Variants in NUP210 observed in about 807,000 individuals in gnomAD.
The protein encoded by NUP210 is nuclear pore membrane glycoprotein 210.
NUP210 carries 151 observed loss-of-function variants against 196.0 expected under a neutral mutation model. That is an observed-to-expected ratio of 0.77 (90% CI 0.67 to 0.88). The LOEUF is 0.88. Among genes scored for constraint, NUP210 ranks in the 40% least tolerant of loss-of-function variants. The pLI, the probability that NUP210 is intolerant of heterozygous loss-of-function variation, is 0.00. For missense variants in NUP210, 2,314 were observed against 2,493.7 expected (o/e 0.93, Z 1.53); for synonymous variants, 1,070 against 1,052.7 (o/e 1.02, Z -0.32).
intron 25 of NUP210, 102 bp downstream of exon 25, chr3:13,339,752 G>C: frequency 9.2e-7 from 1 of 1,089,808 alleles, no homozygotes; most frequent in Non-Finnish European, 1.4e-6. Context: ...GGCAGAAGCA[G>C]CACCCTTGGA....
intron 8 of NUP210, among the ~76,000 whole-genome samples, chr3:13,377,873 A>G (rs1698971573): frequency 1.5e-5 from 2 of 133,676 alleles, no homozygotes; most frequent in South Asian, 4.9e-4. Flanking sequence ...TGCAGGCCCC[A>G]CACCACTTAC....
At position 13,386,257 on chromosome 3, in the gene NUP210, G is replaced by A; in HGVS notation, c.817+18C>T. The stretch of plus-strand genomic sequence containing the variant: ...GAGGAAGGAAGCATCTGTCATGATG[G>A]CAGAGCCAATGACACACCTGTAATT... On this transcript the variant is annotated intron_variant, in intron 6 of 39. Coordinates refer to ENST00000254508, the MANE Select transcript of NUP210 (RefSeq NM_024923.4). 6.2e-7 allele frequency: 1 copy of A among 1,606,450 alleles called. No homozygotes were observed. Among genetic ancestry groups the A allele is most frequent in the Non-Finnish European group, 8.5e-7 (1 of 1,176,000 alleles).
At position 13,360,333 on chromosome 3, in the gene NUP210, G is replaced by C. The variant is rs751264209; in HGVS notation, c.2091C>G (p.Pro697=). ...TDSIGLALFA[P]HSSRNYQQHW... is the part of the protein sequence containing the mutation. ...GTTGCTGATAATTCCGGGAGGAATG[G>C]GGGGCAAAGAGAGCCAGGCCGATGC... The change falls in exon 15 of 40, where the codon CCC becomes CCG. Residue 697 remains proline, a synonymous_variant. Coordinates refer to ENST00000254508, the MANE Select transcript of NUP210 (RefSeq NM_024923.4). 3.7e-6 allele frequency: 6 copies of C among 1,614,100 alleles called. No individual in the cohort carries two copies. The East Asian group carries it at 8.9e-5, about 24-fold the overall frequency.
At chr3:13,405,237 G>A (rs1472375564) in intron 1 of NUP210, among the ~76,000 whole-genome samples, 3 of 152,268 alleles carry the variant, frequency 2.0e-5, no homozygotes, top group East Asian at 3.9e-4. Flanking sequence ...ATCAGGTAAC[G>A]GCCTGAACAG....
At chr3:13,375,431 T>C (rs575383744) in intron 11 of NUP210, 73 bp downstream of exon 11, 60 of 1,422,780 alleles carry the variant, frequency 4.2e-5, no homozygotes, top group Admixed American at 2.7e-4. Flanking sequence ...CTAAAAGTAA[T>C]AGAATGGACA....
At position 13,411,443 on chromosome 3, in the gene NUP210, C is replaced by T. The variant is rs138861872; in HGVS notation, c.167+8617G>A. Among the ~76,000 whole-genome samples, 978 of 152,252 alleles carry T rather than the reference C, an allele frequency of 6.4e-3. 10 individuals are homozygous for T. Among genetic ancestry groups the T allele is most frequent in the African/African-American group, 0.022 (926 of 41,516 alleles). ...CATTTGTACAGTGCAGTCATTCTTA[C>T]CAAAGGAGTTTTGTTTATTGTTCAT... On this transcript the variant is annotated intron_variant, in intron 1 of 39. Coordinates refer to ENST00000254508, the MANE Select transcript of NUP210 (RefSeq NM_024923.4).
chr3:13,409,534 T>C (rs1047666700), intron 1 of NUP210, among the ~76,000 whole-genome samples: 4 of 152,182 alleles, frequency 2.6e-5, no homozygotes, highest in Non-Finnish European at 4.4e-5. Context: ...GAGTGAAACA[T>C]ATCATGAACA....
At position 13,340,418 on chromosome 3, in the gene NUP210, G is replaced by A; in HGVS notation, c.3229-120C>T. The A allele has an allele frequency of 1.1e-6, 1 of 882,824 alleles. No homozygotes were observed. Among genetic ancestry groups the A allele is most frequent in the East Asian group, 2.7e-5 (1 of 37,636 alleles). 54.7% of individuals were successfully genotyped at this position (882,824 alleles called of 1,614,324 possible). On this transcript the variant is annotated intron_variant, in intron 23 of 39. Transcript: ENST00000254508. The surrounding 1 kb of genome is among the most constrained non-coding windows in gnomAD (Gnocchi z 4.0). Reference sequence around the variant, plus strand: ...TGGGACATGGACATCACTTCTCTCTGAGCAGTGACCAGAGGGCCCAGGGTC... The same window carrying A: ...TGGGACATGGACATCACTTCTCTCTAAGCAGTGACCAGAGGGCCCAGGGTC...
rs191367491 is a variant in NUP210, at chr3:13,411,796, A to G, written c.167+8264T>C. Among the ~76,000 whole-genome samples, 445 of 152,384 alleles carry G rather than the reference A, an allele frequency of 2.9e-3. 3 individuals are homozygous for G. Among genetic ancestry groups the G allele is most frequent in the African/African-American group, 0.01 (418 of 41,600 alleles). Reference sequence around the variant, plus strand: ...ACTCTTATCACCCAGGCTGGAGTGCAGTGATGCAATCTCAGCTCACTGCCA... The same window carrying G: ...ACTCTTATCACCCAGGCTGGAGTGCGGTGATGCAATCTCAGCTCACTGCCA... On this transcript the variant is annotated intron_variant, in intron 1 of 39. Coordinates refer to ENST00000254508, the MANE Select transcript of NUP210 (RefSeq NM_024923.4).
Position 13,379,523 on chromosome 3 carries a change from C to T in NUP210, c.976+40G>A. On this transcript the variant is annotated intron_variant, in intron 7 of 39. Transcript: ENST00000254508. The surrounding 1 kb of genome is among the most constrained non-coding windows in gnomAD (Gnocchi z 4.2). The stretch of plus-strand genomic sequence containing the variant: ...AAGACTTGACTTCCAAACAGCAGCT[C>T]CGCCATGCCTAAGAACACACAAGCC... The T allele has an allele frequency of 6.2e-7, 1 of 1,612,976 alleles. No homozygotes were observed. Among genetic ancestry groups the T allele is most frequent in the Non-Finnish European group, 8.5e-7 (1 of 1,179,564 alleles).
chr3:13,343,405 G>A, intron 20 of NUP210, 102 bp from the exon 21 acceptor site: 13 of 1,413,912 alleles, frequency 9.2e-6, no homozygotes, highest in Non-Finnish European at 1.2e-5. Context: ...CTCAGCACCA[G>A]CCTATCACCT....
intron 27 of NUP210, among the ~76,000 whole-genome samples, chr3:13,336,285 G>A (rs1697213780): frequency 6.6e-6 from 1 of 152,168 alleles, no homozygotes; most frequent in Admixed American, 6.5e-5. Flanking sequence ...ACAGGGGCTG[G>A]TGCCCAGTAC....
At chr3:13,352,783 A>AGGG in intron 18 of NUP210, among the ~76,000 whole-genome samples, 1 of 152,230 alleles carries the variant, frequency 6.6e-6, no homozygotes, top group South Asian at 2.1e-4. Context: ...ACTCCAATGC[A>AGGG]CGGATGGAAG....
chr3:13,401,259 C>CAAAAAAAAAAA (rs71066952), intron 1 of NUP210, among the ~76,000 whole-genome samples: 476 of 43,800 alleles, frequency 0.011, 69 homozygotes, highest in African/African-American at 0.032. Flanking sequence ...GACTCTGGCT[C>CAAAAAAAAAAA]AAAAAAAAAA....
intron 8 of NUP210, 151 bp downstream of exon 8, chr3:13,378,761 G>A (rs777516273): frequency 3.1e-6 from 2 of 645,232 alleles, no homozygotes; most frequent in African/African-American, 1.8e-5. Context: ...GGAAGGGCTG[G>A]TGAGTGCCCT....
chr3:13,337,720 G>T, intron 26 of NUP210, 117 bp downstream of exon 26: 2 of 912,608 alleles, frequency 2.2e-6, no homozygotes, highest in East Asian at 5.3e-5. Flanking sequence ...TGGGAAGCAG[G>T]CCCTAGATAC....
chr3:13,404,639 G>A (rs1057440280), intron 1 of NUP210, among the ~76,000 whole-genome samples: 1 of 152,182 alleles, frequency 6.6e-6, no homozygotes, highest in Non-Finnish European at 1.5e-5. Flanking sequence ...TAGGACACAG[G>A]GGTTCTAAGC....
Position 13,388,106 on chromosome 3 carries a change from C to A in NUP210, c.684+197G>T, listed in dbSNP as rs569862432. Among the ~76,000 whole-genome samples the A allele has an allele frequency of 1.4e-3, 207 of 152,292 alleles. 1 individual carries two copies. The highest frequency in any genetic ancestry group is 2.2e-3 in the Non-Finnish European group (150 of 68,010). The stretch of plus-strand genomic sequence containing the variant: ...TAGAGATGCTTTCTGGGGCCTCAAC[C>A]ACCTTTCTTTGTAAGCTGAGGCTCA... On this transcript the variant is annotated intron_variant, in intron 5 of 39. Coordinates refer to ENST00000254508, the MANE Select transcript of NUP210 (RefSeq NM_024923.4).
In NUP210 at chr3:13,319,288, G is replaced by A. The variant is rs766874841; in HGVS notation, c.5421C>T (p.Tyr1807=). The A allele has an allele frequency of 6.2e-7, 1 of 1,612,922 alleles. No individual in the cohort carries two copies. The highest frequency in any genetic ancestry group is 1.1e-5 in the South Asian group (1 of 90,726). ...ASLFQHFLDS[Y]QVMFFTLFAL... is the part of the protein sequence containing the mutation. ...CGAAGAGCGTGAAGAACATGACCTG[G>A]TAGGAATCCAGGAAGTGCTGGAAGA... Residue 1807 remains tyrosine (Y), a synonymous_variant, in exon 38 of 40, where the codon TAC becomes TAT. Transcript: ENST00000254508.
Sources: gnomAD v4.1 joint callset for allele counts (sites outside exome capture counted in the v4.1 genomes callset) on GRCh38, gnomAD v4.1.1 for gene constraint, Gnocchi (gnomAD v3.1) non-coding constraint, MANE v1.5 for transcripts, NCBI Gene and HGNC (gene_info 2026-07-23, HGNC 2026-07-21) for gene names.